Variants in TOGARAM1 observed in about 807,000 individuals in gnomAD.
TOGARAM1 encodes TOG array regulator of axonemal microtubules 1.
TOGARAM1 carries 100 observed loss-of-function variants against 166.6 expected under a neutral mutation model. The observed-to-expected ratio is 0.60, with a 90% CI of 0.51 to 0.71. The LOEUF (loss-of-function observed/expected upper bound fraction) is 0.71, where lower values mean the gene tolerates loss of function less well. Ranked by LOEUF, TOGARAM1 falls within the 30% of genes least tolerant of loss-of-function variation. TOGARAM1 has a pLI of 0.00. For missense variants in TOGARAM1, 2,029 were observed against 2,102.7 expected, an observed-to-expected ratio of 0.96 and a Z score of 0.69; for synonymous variants, 758 against 763.8, an observed-to-expected ratio of 0.99 and a Z score of 0.13.
In TOGARAM1 at chr14:45,009,018, G is replaced by A. The variant is rs766118507; in HGVS notation, c.3010G>A (p.Asp1004Asn). ...AAGCCCTGATTCTGCAATGAAGCTC[G>A]ACTTGACGATGGACTCCCCGTCTCT... The part of the protein sequence containing the change: ...LESPDSAMKL[D>N]LTMDSPSLSS... Residue 1004 changes from aspartate (D) to asparagine (N), a missense_variant, in exon 6 of 20, where the codon GAC (aspartate) becomes AAC (asparagine). Asp to Asn is a conservative substitution (Grantham distance 23). Transcript: ENST00000361462. The A allele has an allele frequency of 1.4e-5, 22 of 1,613,904 alleles. 1 individual carries two copies. The South Asian group carries it at 2.1e-4, about 15-fold the overall frequency.
intron 6 of TOGARAM1, among the ~76,000 whole-genome samples, chr14:45,010,852 A>G (rs1006174526): frequency 1.3e-5 from 2 of 152,156 alleles, no homozygotes; most frequent in Admixed American, 6.5e-5. Context: ...AGAGACTGAA[A>G]TTTCTTCTTT....
chr14:45,029,856 C>G (rs187787474), intron 10 of TOGARAM1, among the ~76,000 whole-genome samples: 1 of 152,126 alleles, frequency 6.6e-6, no homozygotes, highest in Admixed American at 6.5e-5. Context: ...GAGTTTTGCT[C>G]TGTCGCCCAG....
chr14:45,046,802 A>G (rs1882088187), intron 14 of TOGARAM1, 99 bp downstream of exon 14: 1 of 1,022,632 alleles, frequency 9.8e-7, no homozygotes, highest in Non-Finnish European at 1.3e-6. Flanking sequence ...TTCTAAATGG[A>G]GAAGTGGGGT....
chr14:45,041,425 T>G (rs1881721894), intron 11 of TOGARAM1, among the ~76,000 whole-genome samples: 1 of 152,034 alleles, frequency 6.6e-6, no homozygotes, highest in South Asian at 2.1e-4. Flanking sequence ...CAAAAAAGTT[T>G]CCACAAAGAA....
At chr14:45,055,837 G>A (rs1594698350) in intron 16 of TOGARAM1, among the ~76,000 whole-genome samples, 1 of 143,730 alleles carries the variant, frequency 7.0e-6, no homozygotes, top group African/African-American at 2.6e-5. Flanking sequence ...TTGGCTACTT[G>A]GGCTCTTTTT....
chr14:45,065,268 T>C (rs1883086819), intron 16 of TOGARAM1, among the ~76,000 whole-genome samples: 2 of 152,184 alleles, frequency 1.3e-5, no homozygotes, highest in African/African-American at 4.8e-5. Context: ...TGCATGACTC[T>C]TTAGTTTCAA....
intron 3 of TOGARAM1, among the ~76,000 whole-genome samples, chr14:45,002,771 A>T (rs978616206): frequency 2.6e-5 from 4 of 152,118 alleles, no homozygotes; most frequent in African/African-American, 9.7e-5. Context: ...AGGTCAAGAG[A>T]TTGAGACCAT....
Position 45,068,439 on chromosome 14 carries a change from A to G in TOGARAM1, c.4765A>G (p.Lys1589Glu). ...TTATTTTCAGATTTTTGATGCTTTT[A>G]AATCTCGACTTCATGATTCTAATAG... ...GNIVKIFDAFKSRLHDSNSKV... is the reference protein window; with the variant it reads ...GNIVKIFDAFESRLHDSNSKV... Residue 1589 changes from lysine (K) to glutamate (E), a missense_variant, in exon 18 of 20, where the codon AAA becomes GAA. By Grantham distance (56) the Lys-to-Glu change is moderately conservative. Transcript: ENST00000361462. 1 of 1,605,952 alleles carries G rather than the reference A, an allele frequency of 6.2e-7. No homozygotes were observed.
chr14:44,962,511 C>T lies in TOGARAM1; in HGVS notation c.90C>T (p.Ala30=). ...TCCAGAGCCGCAGTCGTCCTTCCGC[C>T]CCAGAGACCGATGATAGTCGAGTTG... ...YRLQSRSRPS[A]PETDDSRVGG... The change falls in exon 1 of 20, where the codon GCC becomes GCT. Residue 30 remains alanine (A), a synonymous_variant. Transcript: ENST00000361462. 1 of 1,613,204 alleles carries T rather than the reference C, an allele frequency of 6.2e-7. No individual in the cohort carries two copies. The highest frequency in any genetic ancestry group is 1.1e-5 in the South Asian group (1 of 91,014).
At chr14:44,980,962 G>A (rs1001132026) in intron 1 of TOGARAM1, among the ~76,000 whole-genome samples, 2 of 152,126 alleles carry the variant, frequency 1.3e-5, no homozygotes, top group Admixed American at 1.3e-4. Context: ...ATGAGGATTA[G>A]CAGGGTATCA....
intron 1 of TOGARAM1, among the ~76,000 whole-genome samples, chr14:44,984,317 T>C (rs1886676411): frequency 6.6e-6 from 1 of 151,922 alleles, no homozygotes; most frequent in African/African-American, 2.4e-5. Context: ...TAAAAATATA[T>C]CCATTTTTGT....
intron 6 of TOGARAM1, 140 bp downstream of exon 6, chr14:45,009,285 A>G (rs1879653010): frequency 9.9e-6 from 7 of 708,116 alleles, no homozygotes; most frequent in Non-Finnish European, 1.6e-5. Flanking sequence ...GACATTGGAA[A>G]TGTTTACAGA....
At chr14:45,036,121 C>T (rs1158059789) in intron 11 of TOGARAM1, among the ~76,000 whole-genome samples, 1 of 119,586 alleles carries the variant, frequency 8.4e-6, no homozygotes, top group South Asian at 2.6e-4. Flanking sequence ...CAGAACAAGA[C>T]CTTGTCTCTA....
chr14:45,055,735 C>T (rs934373782), intron 16 of TOGARAM1, among the ~76,000 whole-genome samples: 10 of 136,590 alleles, frequency 7.3e-5, no homozygotes, highest in Non-Finnish European at 1.4e-4. Context: ...ATCCAGGAGG[C>T]GGAGGTTGCA....
At chr14:45,037,003 C>T (rs1207998916) in intron 11 of TOGARAM1, among the ~76,000 whole-genome samples, 1 of 152,154 alleles carries the variant, frequency 6.6e-6, no homozygotes, top group Non-Finnish European at 1.5e-5. Context: ...CTCATCAGAT[C>T]TTGTGAGACT....
At chr14:44,974,462 G>A (rs1886072091) in intron 1 of TOGARAM1, among the ~76,000 whole-genome samples, 1 of 151,944 alleles carries the variant, frequency 6.6e-6, no homozygotes, top group South Asian at 2.1e-4. Context: ...AGAAAATTCT[G>A]GTATGTTAAC....
chr14:45,008,459 T>C (rs997530758), intron 5 of TOGARAM1, among the ~76,000 whole-genome samples: 3 of 152,170 alleles, frequency 2.0e-5, no homozygotes, highest in Non-Finnish European at 2.9e-5. Flanking sequence ...GTAATTTTAA[T>C]ACTTGCAAGC....
In TOGARAM1 at chr14:44,964,357, A is replaced by G. The variant is rs377361155; in HGVS notation, c.1936A>G (p.Thr646Ala). ...IYGSYSPTIC[T>A]RRVLSAGKGK... ...TGGATCTTACAGCCCAACTATCTGTACCCGAAGGGTATTAAGTGCAGGAAA... is the reference window on the plus strand; with the variant it reads ...TGGATCTTACAGCCCAACTATCTGTGCCCGAAGGGTATTAAGTGCAGGAAA... Residue 646 changes from threonine (T) to alanine (A), a missense_variant, in exon 1 of 20, where the codon ACC (threonine) becomes GCC (alanine). This residue lies in a region of TOGARAM1 where 1,453 missense variants were observed against 1,432.2 expected (regional missense o/e 1.01). Coordinates refer to ENST00000361462, the MANE Select transcript of TOGARAM1 (RefSeq NM_001308120.2). 2 of 1,614,066 alleles carry G rather than the reference A, an allele frequency of 1.2e-6. No homozygotes were observed. Among genetic ancestry groups the G allele is most frequent in the African/African-American group, 2.7e-5 (2 of 74,922 alleles).
intron 16 of TOGARAM1, among the ~76,000 whole-genome samples, chr14:45,064,566 G>A (rs1883052268): frequency 6.6e-6 from 1 of 151,946 alleles, no homozygotes; most frequent in Non-Finnish European, 1.5e-5. Context: ...GACCTCCCAG[G>A]GCTCAAGTGT....
Sources: gnomAD v4.1 joint callset for allele counts (sites outside exome capture counted in the v4.1 genomes callset) on GRCh38, gnomAD v4.1.1 for gene constraint, gnomAD v4.1.1 regional missense constraint, MANE v1.5 for transcripts, NCBI Gene and HGNC (gene_info 2026-07-23, HGNC 2026-07-21) for gene names.